Variants in NCAPD3 observed in about 807,000 individuals in gnomAD.
NCAPD3 encodes the protein non-SMC condensin II complex subunit D3, also known as condensin-2 complex subunit D3.
A neutral mutation model predicts 182.9 loss-of-function variants in NCAPD3; 105 were observed. The observed-to-expected ratio is 0.57, with a 90% confidence interval of 0.49 to 0.68. NCAPD3 has a LOEUF of 0.68. NCAPD3 is among the 30% of genes least tolerant of loss of function. The pLI is 0.00. For synonymous variants in NCAPD3, 815 were observed against 679.9 expected, an observed-to-expected ratio of 1.20 and a Z score of -3.09; for missense variants, 1,944 against 1,837.0, an observed-to-expected ratio of 1.06 and a Z score of -1.07.
chr11:134,179,293 G>C (rs546394946), intron 20 of NCAPD3, among the ~76,000 whole-genome samples: 1 of 152,062 alleles, frequency 6.6e-6, no homozygotes, highest in Non-Finnish European at 1.5e-5. Context: ...TATTGTTTTT[G>C]TGTATAACTT....
At chr11:134,211,965 G>T (rs944436021) in intron 3 of NCAPD3, among the ~76,000 whole-genome samples, 1 of 152,162 alleles carries the variant, frequency 6.6e-6, no homozygotes, top group African/African-American at 2.4e-5. Flanking sequence ...TTCCAAGTTT[G>T]TTGAAACTAT....
At chr11:134,182,043 A>C (rs1445744952) in intron 19 of NCAPD3, among the ~76,000 whole-genome samples, 1 of 152,236 alleles carries the variant, frequency 6.6e-6, no homozygotes, top group Non-Finnish European at 1.5e-5. Context: ...TTCTAAAAGA[A>C]CTATTACATT....
intron 27 of NCAPD3, among the ~76,000 whole-genome samples, chr11:134,166,047 G>A (rs1348928582): frequency 1.8e-5 from 2 of 110,794 alleles, no homozygotes; most frequent in Non-Finnish European, 3.7e-5. Flanking sequence ...ACTCACTAGT[G>A]AGATGAGCTT....
intron 8 of NCAPD3, among the ~76,000 whole-genome samples, chr11:134,206,123 C>T (rs1243410189): frequency 5.3e-5 from 8 of 152,056 alleles, no homozygotes; most frequent in South Asian, 2.1e-4. Flanking sequence ...CTTATTGCTA[C>T]GGAGGTAAAA....
At chr11:134,179,074 T>C (rs1944234941) in intron 20 of NCAPD3, 138 bp from the exon 21 acceptor site, 1 of 620,816 alleles carries the variant, frequency 1.6e-6, no homozygotes, top group Non-Finnish European at 2.8e-6. Context: ...TTCATAAAAA[T>C]ACATGGCTAT....
intron 27 of NCAPD3, among the ~76,000 whole-genome samples, chr11:134,167,288 T>G (rs1289899427): frequency 8.0e-6 from 1 of 125,096 alleles, no homozygotes; most frequent in Non-Finnish European, 1.6e-5. Flanking sequence ...ACTTGTGAGA[T>G]GAGCTTGGGG....
rs201978183 is a variant in NCAPD3, at chr11:134,158,332, G to A, written c.4031C>T (p.Ala1344Val). 138 of 1,613,964 alleles carry A rather than the reference G, an allele frequency of 8.6e-5. No homozygotes were observed. The highest frequency in any genetic ancestry group is 6.7e-5 in the Admixed American group (4 of 60,002). Residue 1344 changes from alanine (A) to valine (V), a missense_variant, in exon 30 of 35, where the codon GCC becomes GTC. Physicochemically the swap from Ala to Val is moderately conservative, Grantham distance 64. Transcript: ENST00000534548. ...GTGGCCTCCAGGGGCTCTTTACCTG[G>A]CTTTGGGCAGCAACCTCTGCAATGG... ...TGPLQRLLPK[A>V]RPMSLSTIAI...
rs1938043592 is a variant in NCAPD3 at position 134,216,816 on chromosome 11, G to C, written c.382+120C>G. 3.2e-6 allele frequency: 3 copies of C among 952,330 alleles called. No individual in the cohort carries two copies. In the African/African-American group the frequency reaches 5.1e-5, roughly 16 times the overall value. The allele number at this position is 952,330 out of a possible 1,614,324, so 59.0% of individuals were successfully genotyped here. The stretch of plus-strand genomic sequence containing the variant: ...GACTTGCTCCTCGCAACAACTCTCT[G>C]CCATGGGTTAGCACTGCCCCATTTA... On this transcript the variant is annotated intron_variant, in intron 3 of 34. Coordinates refer to ENST00000534548, the MANE Select transcript of NCAPD3 (RefSeq NM_015261.3).
Position 134,177,356 on chromosome 11 carries a change from T to C in NCAPD3, c.2884A>G (p.Ile962Val), listed in dbSNP as rs760037698. The C allele has an allele frequency of 2.2e-5, 36 of 1,614,138 alleles. No homozygotes were observed. The highest frequency in any genetic ancestry group is 8.5e-7 in the Non-Finnish European group (1 of 1,180,048). Residue 962 changes from isoleucine (I) to valine (V), a missense_variant, in exon 23 of 35, where the codon ATC becomes GTC. By Grantham distance (29) the Ile-to-Val change is conservative. Transcript: ENST00000534548. ...ATGCAGAGATCGCACATTACAATGA[T>C]GACGTTGTTGCGGACAGCCACGTCC... is the stretch of plus-strand genomic sequence containing the variant. ...CEDVAVRNNV[I>V]IVMCDLCIRY...
chr11:134,182,818 G>A (rs1050966596), intron 19 of NCAPD3, among the ~76,000 whole-genome samples: 7 of 152,240 alleles, frequency 4.6e-5, no homozygotes, highest in Admixed American at 1.3e-4. Flanking sequence ...CACTTACAGA[G>A]AAAAGAAAAG....
chr11:134,188,784 T>C (rs1317478204), intron 16 of NCAPD3, among the ~76,000 whole-genome samples: 1 of 152,224 alleles, frequency 6.6e-6, no homozygotes, highest in Non-Finnish European at 1.5e-5. Flanking sequence ...GGTCTGCGGC[T>C]TTATTCTTGA....
chr11:134,177,123 A>T, intron 23 of NCAPD3, 96 bp downstream of exon 23: 2 of 953,590 alleles, frequency 2.1e-6, no homozygotes, highest in Admixed American at 1.9e-5. Flanking sequence ...TTTGGATTCT[A>T]CTACAAAGCA....
Position 134,152,676 on chromosome 11 carries a change from C to T in NCAPD3, c.*268G>A. 3.0e-6 allele frequency: 1 copy of T among 338,908 alleles called. No individual in the cohort carries two copies. The highest frequency in any genetic ancestry group is 5.3e-6 in the Non-Finnish European group (1 of 188,348). The allele number at this position is 338,908 out of a possible 1,614,324, so 21.0% of individuals were successfully genotyped here. A position where few individuals can be genotyped will look rare whatever the true frequency, so the allele number is the denominator to read the frequency against. On this transcript the variant is annotated 3_prime_UTR_variant, in exon 35 of 35. Coordinates refer to ENST00000534548, the MANE Select transcript of NCAPD3 (RefSeq NM_015261.3). ...TTATAGCTTATCTGAATGGGCTTGA[C>T]ACTTTCAAATGGAATAAAGTTACAA...
upstream of NCAPD3, chr11:134,224,897 C>A (rs562136526): frequency 3.6e-3 from 688 of 192,026 alleles, 4 homozygotes; most frequent in African/African-American, 0.015. Context: ...CATTGCTGCT[C>A]GGGCGCCGCA....
At position 134,167,984 on chromosome 11, in the gene NCAPD3, C is replaced by T. The variant is rs964365863; in HGVS notation, c.3573+12G>A. 3 of 1,612,212 alleles carry T rather than the reference C, an allele frequency of 1.9e-6. No homozygotes were observed. The highest frequency in any genetic ancestry group is 1.3e-5 in the African/African-American group (1 of 74,768). On this transcript the variant is annotated intron_variant, in intron 27 of 34. Transcript: ENST00000534548. ...TTGTGAGAAGATGATCTTAGGGGAG[C>T]AACACACTCACTTGTGAGATGAGCT...
In NCAPD3 at chr11:134,204,839, AC is replaced by A. The variant is rs541454101; in HGVS notation, c.1089+59del. 318 of 1,369,878 alleles carry A rather than the reference AC, an allele frequency of 2.3e-4. 1 individual carries two copies. The African/African-American group carries it at 4.0e-3, about 17-fold the overall frequency. 84.9% of individuals were successfully genotyped at this position (1,369,878 alleles called of 1,614,324 possible). On this transcript the variant is annotated intron_variant, in intron 9 of 34. Coordinates refer to ENST00000534548, the MANE Select transcript of NCAPD3 (RefSeq NM_015261.3). The surrounding 1 kb of genome is among the most constrained non-coding windows in gnomAD (Gnocchi z 4.3). ...TACCCACACTCACACACACACACAC[AC>A]ATTTATCTTCACACACGATATACTT...
At chr11:134,219,663 G>A (rs1189673800) in intron 2 of NCAPD3, among the ~76,000 whole-genome samples, 2 of 151,636 alleles carry the variant, frequency 1.3e-5, no homozygotes, top group Non-Finnish European at 2.9e-5. Context: ...CAACCCTTTG[G>A]TTTTTTTTGA....
chr11:134,209,761 A>G (rs987068761), intron 4 of NCAPD3: 1 of 341,682 alleles, frequency 2.9e-6, no homozygotes, highest in South Asian at 4.3e-5. Flanking sequence ...ACCGTGTCAC[A>G]TAAGAATATG....
intron 1 of NCAPD3, among the ~76,000 whole-genome samples, chr11:134,221,494 A>G (rs1938226499): frequency 6.6e-6 from 1 of 152,088 alleles, no homozygotes; most frequent in South Asian, 2.1e-4. Context: ...CATCTACATT[A>G]GGTATTTCTC....
Sources: allele counts gnomAD v4.1 joint callset (sites outside exome capture counted in the v4.1 genomes callset), GRCh38; gene constraint gnomAD v4.1.1; non-coding constraint Gnocchi (gnomAD v3.1); transcripts MANE v1.5; gene names NCBI Gene and HGNC (gene_info 2026-07-23, HGNC 2026-07-21).